The following NAV1 variants were observed in gnomAD, a reference collection of about 807,000 sequenced individuals.
NAV1 encodes pore membrane and/or filament interacting like protein 3.
Under a neutral mutation model 175.2 loss-of-function variants are expected in NAV1, and 18 were observed. That is an observed-to-expected ratio of 0.10 (90% CI 0.07 to 0.15). The LOEUF (loss-of-function observed/expected upper bound fraction) is 0.15. Among genes scored for constraint, NAV1 ranks in the 10% least tolerant of loss-of-function variants. The pLI is 1.00. For synonymous variants in NAV1, 897 were observed against 978.7 expected (o/e 0.92, Z 1.56); for missense variants, 1,731 against 2,436.6 (o/e 0.71, Z 6.10).
Position 201,797,615 on chromosome 1 carries a change from G to GT in NAV1, c.3517+3040dup, listed in dbSNP as rs761484483. On this transcript the variant is annotated intron_variant, in intron 15 of 29. Coordinates refer to ENST00000367296, the Ensembl canonical transcript of NAV1. ...TTAGAGAGTATTGCCTCTTAACAATGTTAAGTCTTCCAATCCATGAACAGG... is the reference window on the plus strand; with the variant it reads ...TTAGAGAGTATTGCCTCTTAACAATGTTTAAGTCTTCCAATCCATGAACAGG... The GT allele has an allele frequency of 1.8e-4, 27 of 152,258 alleles. 1 individual carries two copies. Among genetic ancestry groups the GT allele is most frequent in the Admixed American group, 9.8e-4 (15 of 15,294 alleles). The allele number at this position is 152,258 out of a possible 1,614,324, so 9.4% of individuals were successfully genotyped here. A position where few individuals can be genotyped will look rare whatever the true frequency, so the allele number is the denominator to read the frequency against.
chr1:201,620,611 A>G (rs903879254), upstream of NAV1, among the ~76,000 whole-genome samples: 2 of 151,770 alleles, frequency 1.3e-5, no homozygotes. Flanking sequence ...GGCATGTGCC[A>G]CCACGCCCAG....
intron 3 of NAV1, among the ~76,000 whole-genome samples, chr1:201,721,691 C>G (rs1019801618): frequency 1.3e-5 from 2 of 152,272 alleles, no homozygotes; most frequent in Admixed American, 1.3e-4. Context: ...GCCCACCCAT[C>G]AGCCTCGGCC....
intron 1 of NAV1, among the ~76,000 whole-genome samples, chr1:201,669,780 T>A (rs1001190789): frequency 1.2e-4 from 18 of 151,886 alleles, no homozygotes; most frequent in African/African-American, 4.4e-4. Flanking sequence ...GTAAACAGAT[T>A]CCTGCAGGCT....
chr1:201,816,862 C>A, intron 28 of NAV1: 1 of 523,988 alleles, frequency 1.9e-6, no homozygotes, highest in Non-Finnish European at 3.4e-6. Context: ...TTAGTAGAAA[C>A]AGGGTTTCAC....
chr1:201,609,157 G>T lies in NAV1; in HGVS notation c.-32-13696G>T, dbSNP rs533969040. Among the ~76,000 whole-genome samples the T allele has an allele frequency of 5.9e-5, 9 of 152,350 alleles. No homozygotes were observed. The South Asian group carries it at 1.9e-3, about 32-fold the overall frequency. On this transcript the variant is annotated intron_variant, in intron 2 of 33. Coordinates refer to the NAV1 transcript ENST00000685211. ...GCTGCATGTGACTGCTGGGCCTGCT[G>T]CCAGACCCTAGCTCAAGTTTCTGAT...
intron 1 of NAV1, among the ~76,000 whole-genome samples, chr1:201,676,064 C>T (rs954797174): frequency 1.3e-5 from 2 of 152,200 alleles, no homozygotes; most frequent in African/African-American, 2.4e-5. Context: ...TCACCTGAAG[C>T]TTTCACCAAG....
intron 1 of NAV1, among the ~76,000 whole-genome samples, chr1:201,698,259 C>T (rs1416235556): frequency 1.3e-5 from 2 of 152,222 alleles, no homozygotes; most frequent in African/African-American, 4.8e-5. Flanking sequence ...CTAACCCACC[C>T]ACCTTATCAC....
At chr1:201,783,503 C>T in exon 7 of NAV1, 1 of 1,614,168 alleles carries the variant, frequency 6.2e-7, no homozygotes, top group Non-Finnish European at 8.5e-7. Context: ...TGATACCACC[C>T]ATGCTTCAAA....
At chr1:201,624,397 ACAGT>A (rs1232682401) in intron 1 of NAV1, among the ~76,000 whole-genome samples, 3 of 128,594 alleles carry the variant, frequency 2.3e-5, no homozygotes, top group Admixed American at 1.0e-4. Flanking sequence ...AGGCTGGAGT[ACAGT>A]GGTGCGATCT....
chr1:201,588,848 A>AT lies in NAV1; in HGVS notation c.-33+209dup, dbSNP rs1036047227. ...TCAATTGTACAATTTAAAAGATTGG[A>AT]TTTTTTTTTTCTTTTTTGAAATGGA... On this transcript the variant is annotated intron_variant, in intron 2 of 33. Transcript: ENST00000685211. Among the ~76,000 whole-genome samples, 516 of 149,566 alleles carry AT rather than the reference A, an allele frequency of 3.4e-3. 2 individuals are homozygous for AT. The highest frequency in any genetic ancestry group is 0.011 in the African/African-American group (436 of 40,736).
chr1:201,729,247 GA>G (rs1475529656), intron 3 of NAV1, among the ~76,000 whole-genome samples: 1 of 152,254 alleles, frequency 6.6e-6, no homozygotes, highest in African/African-American at 2.4e-5. Flanking sequence ...CTGGTGTTCA[GA>G]TCCCAGCTCT....
chr1:201,684,649 A>T (rs1385489720), intron 1 of NAV1, among the ~76,000 whole-genome samples: 1 of 150,784 alleles, frequency 6.6e-6, no homozygotes, highest in East Asian at 2.0e-4. Flanking sequence ...TAATTTTTGT[A>T]TTTTTGTAGA....
At chr1:201,715,492 A>G (rs1260452044) in intron 2 of NAV1, among the ~76,000 whole-genome samples, 1 of 152,102 alleles carries the variant, frequency 6.6e-6, no homozygotes, top group Non-Finnish European at 1.5e-5. Flanking sequence ...CTTTCTATCA[A>G]TGAGCCCTTC....
chr1:201,595,306 C>T (rs1667320262), intron 2 of NAV1, among the ~76,000 whole-genome samples: 2 of 152,248 alleles, frequency 1.3e-5, no homozygotes, highest in African/African-American at 4.8e-5. Flanking sequence ...AGGCACCTCA[C>T]CCTGACTCAT....
chr1:201,766,112 C>G (rs1183285678), intron 3 of NAV1, among the ~76,000 whole-genome samples: 1 of 152,176 alleles, frequency 6.6e-6, no homozygotes, highest in Non-Finnish European at 1.5e-5. Flanking sequence ...ATATAAGACT[C>G]TGATTACCTT....
chr1:201,645,759 G>T (rs553344605), upstream of NAV1, among the ~76,000 whole-genome samples: 4 of 152,320 alleles, frequency 2.6e-5, no homozygotes, highest in African/African-American at 9.6e-5. Flanking sequence ...CTAAGGAGAA[G>T]ATGAATTTAC....
At chr1:201,690,302 A>G (rs1311997941) in intron 1 of NAV1, among the ~76,000 whole-genome samples, 1 of 95,882 alleles carries the variant, frequency 1.0e-5, no homozygotes, top group Non-Finnish European at 2.2e-5. Flanking sequence ...AATGCTGGCT[A>G]TTTCCTCCGT....
chr1:201,710,249 TGTG>T (rs1468804461), intron 1 of NAV1, among the ~76,000 whole-genome samples: 1 of 151,986 alleles, frequency 6.6e-6, no homozygotes, highest in Non-Finnish European at 1.5e-5. Context: ...TTTAAAAAAT[TGTG>T]GTAGCATCCA....
intron 3 of NAV1, among the ~76,000 whole-genome samples, chr1:201,765,500 T>C (rs1675156972): frequency 6.7e-6 from 1 of 148,984 alleles, no homozygotes; most frequent in Non-Finnish European, 1.5e-5. Context: ...TCTCAAGCAA[T>C]TCTTGTGCCT....
Sources: allele counts gnomAD v4.1 joint callset (sites outside exome capture counted in the v4.1 genomes callset), GRCh38; gene constraint gnomAD v4.1.1; transcripts MANE v1.5; gene names NCBI Gene and HGNC (gene_info 2026-07-23, HGNC 2026-07-21).